The following EXOC6 variants were observed in gnomAD, a reference collection of about 807,000 sequenced individuals.
The protein encoded by EXOC6 is exocyst complex component 6.
In EXOC6, 60 loss-of-function variants were observed where a neutral mutation model predicts 112.5. That is an observed-to-expected ratio of 0.53 (90% confidence interval 0.43 to 0.66). The LOEUF (loss-of-function observed/expected upper bound fraction) is 0.66. Among genes scored for constraint, EXOC6 ranks in the 30% least tolerant of loss-of-function variants. EXOC6 has a pLI of 0.00. For missense variants in EXOC6, 855 were observed against 957.1 expected (o/e 0.89, Z 1.41); for synonymous variants, 295 against 308.0 (o/e 0.96, Z 0.44).
At chr10:92,975,338 C>A (rs551422528) in intron 18 of EXOC6, among the ~76,000 whole-genome samples, 1 of 151,460 alleles carries the variant, frequency 6.6e-6, no homozygotes, top group African/African-American at 2.4e-5. Context: ...GGCAACCGCC[C>A]GGTCTGAGAA....
chr10:92,845,959 C>CAAAA (rs1847039638), upstream of EXOC6, among the ~76,000 whole-genome samples: 1 of 152,194 alleles, frequency 6.6e-6, no homozygotes, highest in Non-Finnish European at 1.5e-5. Context: ...ACCAAACAAA[C>CAAAA]AAAACAAATG....
intron 1 of EXOC6, among the ~76,000 whole-genome samples, chr10:92,866,611 G>A (rs1322281892): frequency 6.6e-6 from 1 of 151,726 alleles, no homozygotes; most frequent in Non-Finnish European, 1.5e-5. Flanking sequence ...ATTTATTTGA[G>A]CGCGAGTTTA....
At chr10:92,887,908 C>T (rs1480756843) in intron 1 of EXOC6, among the ~76,000 whole-genome samples, 4 of 152,060 alleles carry the variant, frequency 2.6e-5, no homozygotes, top group Non-Finnish European at 5.9e-5. Context: ...TTTTATTCAC[C>T]TTGATGACTT....
intron 1 of EXOC6, among the ~76,000 whole-genome samples, chr10:92,882,413 A>C (rs1214824892): frequency 6.6e-6 from 1 of 151,956 alleles, no homozygotes; most frequent in Non-Finnish European, 1.5e-5. Flanking sequence ...GCATGATGGC[A>C]GGTGCCTGTA....
intron 13 of EXOC6, among the ~76,000 whole-genome samples, chr10:92,945,772 C>T (rs965604439): frequency 6.6e-6 from 1 of 152,290 alleles, no homozygotes; most frequent in Admixed American, 6.5e-5. Flanking sequence ...AGGCTGGCCT[C>T]AAGTGTTCTG....
At chr10:92,938,027 T>C (rs1852447636) in intron 12 of EXOC6, among the ~76,000 whole-genome samples, 1 of 152,114 alleles carries the variant, frequency 6.6e-6, no homozygotes, top group African/African-American at 2.4e-5. Flanking sequence ...TTTTTCAATA[T>C]AGGTAGCAGC....
At chr10:92,984,320 C>G (rs573054851) in intron 18 of EXOC6, among the ~76,000 whole-genome samples, 3 of 151,532 alleles carry the variant, frequency 2.0e-5, no homozygotes, top group Non-Finnish European at 4.4e-5. Context: ...AATATTGTAC[C>G]TTCATCATAT....
At chr10:93,052,396 T>C (rs1846339201) in intron 20 of EXOC6, among the ~76,000 whole-genome samples, 1 of 152,232 alleles carries the variant, frequency 6.6e-6, no homozygotes, top group Non-Finnish European at 1.5e-5. Flanking sequence ...GATTCAACTA[T>C]TTTGAGCATA....
Position 92,960,376 on chromosome 10 carries a change from G to A in EXOC6, c.1773+4662G>A, listed in dbSNP as rs1336806123. On this transcript the variant is annotated intron_variant, in intron 17 of 21. Transcript: ENST00000260762. ...GGGAGTGGTGGAGGGATAACTAAGT[G>A]AAGCACAGAGGATGTTTAGGGCAGT... 2.6e-5 allele frequency among the ~76,000 whole-genome samples: 4 copies of A among 152,142 alleles called. No homozygotes were observed. The East Asian group carries it at 7.7e-4, about 29-fold the overall frequency.
chr10:92,984,777 A>G (rs1236335412), intron 18 of EXOC6, among the ~76,000 whole-genome samples: 1 of 152,110 alleles, frequency 6.6e-6, no homozygotes, highest in South Asian at 2.1e-4. Flanking sequence ...AGGTTTTAGT[A>G]TCTGTTTTAA....
At chr10:92,975,328 G>A (rs1489944260) in intron 18 of EXOC6, among the ~76,000 whole-genome samples, 1 of 150,842 alleles carries the variant, frequency 6.6e-6, no homozygotes, top group East Asian at 2.0e-4. Context: ...CCCTCTGCCT[G>A]GCAACCGCCC....
intron 5 of EXOC6, among the ~76,000 whole-genome samples, chr10:92,907,883 T>C (rs1183433613): frequency 1.3e-5 from 2 of 152,098 alleles, no homozygotes; most frequent in Non-Finnish European, 2.9e-5. Flanking sequence ...TCTGACCAAA[T>C]GTACATTTTG....
chr10:92,960,047 A>G lies in EXOC6; in HGVS notation c.1773+4333A>G, dbSNP rs147940107. The stretch of plus-strand genomic sequence containing the variant: ...GGAGTTGAAAACTTAGGTTCACCCA[A>G]AAACTTGCACATGGATGTTTATAGC... On this transcript the variant is annotated intron_variant, in intron 17 of 21. Coordinates refer to ENST00000260762, the MANE Select transcript of EXOC6 (RefSeq NM_019053.6). 5.5e-3 allele frequency among the ~76,000 whole-genome samples: 845 copies of G among 152,318 alleles called. 6 individuals are homozygous for G. The highest frequency in any genetic ancestry group is 0.017 in the African/African-American group (698 of 41,572).
At chr10:92,947,852 C>T (rs1384147470) in intron 13 of EXOC6, among the ~76,000 whole-genome samples, 3 of 151,650 alleles carry the variant, frequency 2.0e-5, no homozygotes, top group Admixed American at 6.6e-5. Flanking sequence ...TGCAGTGAGC[C>T]GAGATCACAC....
At chr10:92,997,651 A>G (rs1288651382) in intron 19 of EXOC6, 36 bp downstream of exon 19, 11 of 1,516,452 alleles carry the variant, frequency 7.3e-6, no homozygotes, top group African/African-American at 1.4e-5. Context: ...ATGTATTACT[A>G]GGAATCTATG....
At chr10:92,859,542 G>A (rs77775744) in intron 1 of EXOC6, among the ~76,000 whole-genome samples, 3,350 of 152,254 alleles carry the variant, frequency 0.022, 57 homozygotes, top group African/African-American at 0.041. Flanking sequence ...CTTTGCAGTG[G>A]CATATTATCC....
At chr10:92,975,215 G>A (rs1261599452) in intron 18 of EXOC6, among the ~76,000 whole-genome samples, 4 of 150,488 alleles carry the variant, frequency 2.7e-5, no homozygotes, top group Admixed American at 6.6e-5. Flanking sequence ...CCTCTGCCCC[G>A]CCACCCCGTC....
chr10:92,925,556 A>G (rs1433481780), intron 8 of EXOC6, among the ~76,000 whole-genome samples: 2 of 152,064 alleles, frequency 1.3e-5, no homozygotes, highest in Non-Finnish European at 1.5e-5. Flanking sequence ...CGGCCTCCCA[A>G]AGTGCTGGGA....
intron 1 of EXOC6, among the ~76,000 whole-genome samples, chr10:92,836,599 G>T (rs2490740): frequency 0.21 from 32,426 of 152,122 alleles, 4,690 homozygotes; most frequent in Non-Finnish European, 0.31. Flanking sequence ...ATTTTGGGGG[G>T]TAGAGTGAAG....
Sources: allele counts gnomAD v4.1 joint callset (sites outside exome capture counted in the v4.1 genomes callset), GRCh38; gene constraint gnomAD v4.1.1; transcripts MANE v1.5; gene names NCBI Gene and HGNC (gene_info 2026-07-23, HGNC 2026-07-21).